The following PSPC1 variants were observed in gnomAD, a reference collection of about 807,000 sequenced individuals.
The protein encoded by PSPC1 is paraspeckle protein 1.
In PSPC1, 14 loss-of-function variants were observed where a neutral mutation model predicts 51.6. That is an observed-to-expected ratio of 0.27 (90% confidence interval 0.18 to 0.42). PSPC1 has a LOEUF of 0.42. Among genes scored for constraint, PSPC1 ranks in the 10% least tolerant of loss-of-function variants. The pLI is 1.00. For missense variants in PSPC1, 406 were observed against 701.1 expected, an observed-to-expected ratio of 0.58 and a Z score of 4.75; for synonymous variants, 193 against 231.9, an observed-to-expected ratio of 0.83 and a Z score of 1.53.
At chr13:19,752,651 T>C (rs772616723) in intron 3 of PSPC1, among the ~76,000 whole-genome samples, 1 of 151,996 alleles carries the variant, frequency 6.6e-6, no homozygotes, top group Non-Finnish European at 1.5e-5. Context: ...AATGGTATAA[T>C]CTCAGCTCAC....
intron 6 of PSPC1, among the ~76,000 whole-genome samples, chr13:19,716,661 A>G (rs1882128392): frequency 6.6e-6 from 1 of 152,064 alleles, no homozygotes. Flanking sequence ...CCACTAAAAA[A>G]TATATAATTC....
intron 1 of PSPC1, among the ~76,000 whole-genome samples, chr13:19,777,764 G>A (rs1159156586): frequency 2.0e-5 from 3 of 152,086 alleles, no homozygotes; most frequent in Non-Finnish European, 2.9e-5. Context: ...TGACCAGCAT[G>A]ATGAAACCCC....
chr13:19,719,944 G>A (rs1882567455), intron 6 of PSPC1, among the ~76,000 whole-genome samples: 1 of 152,118 alleles, frequency 6.6e-6, no homozygotes, highest in Non-Finnish European at 1.5e-5. Context: ...AGCCTCCCAA[G>A]TAGCTGGGAC....
chr13:19,716,498 C>CT (rs1315177124), intron 6 of PSPC1, among the ~76,000 whole-genome samples: 2 of 152,156 alleles, frequency 1.3e-5, no homozygotes, highest in Non-Finnish European at 2.9e-5. Context: ...AATCAATACT[C>CT]TTTTTTAGGT....
chr13:19,696,985 T>C (rs1879337269), intron 6 of PSPC1, among the ~76,000 whole-genome samples: 1 of 152,170 alleles, frequency 6.6e-6, no homozygotes, highest in Non-Finnish European at 1.5e-5. Flanking sequence ...TAGTCAGAAA[T>C]AATGGACTTT....
chr13:19,751,346 T>C lies in PSPC1; in HGVS notation c.892A>G (p.Arg298Gly), dbSNP rs1455415292. The C allele has an allele frequency of 1.3e-6, 2 of 1,591,528 alleles. No homozygotes were observed. Among genetic ancestry groups the C allele is most frequent in the Non-Finnish European group, 1.7e-6 (2 of 1,173,638 alleles). The change falls in exon 4 of 9, where the codon AGA (arginine) becomes GGA (glycine). Residue 298 changes from arginine to glycine, a missense_variant. Transcript: ENST00000338910. ...GCCTCCAGTTTCTCTTTGGCTTCTC[T>C]GATGTTTCTATCAACCTGCTCACGC... is the stretch of plus-strand genomic sequence containing the variant. ...QQREQVDRNI[R>G]EAKEKLEAEM... is the part of the protein sequence containing the mutation.
chr13:19,738,025 G>T (rs1272454297), intron 5 of PSPC1, among the ~76,000 whole-genome samples: 1 of 152,118 alleles, frequency 6.6e-6, no homozygotes, highest in Non-Finnish European at 1.5e-5. Flanking sequence ...AGGAGTTCGA[G>T]GTTACAGTCA....
At chr13:19,710,278 T>G (rs1881230658) in intron 6 of PSPC1, among the ~76,000 whole-genome samples, 1 of 152,206 alleles carries the variant, frequency 6.6e-6, no homozygotes, top group African/African-American at 2.4e-5. Context: ...AACAGAAATA[T>G]TCAGAACATT....
intron 2 of PSPC1, among the ~76,000 whole-genome samples, chr13:19,762,114 AC>A (rs1398932228): frequency 6.6e-6 from 1 of 152,220 alleles, no homozygotes; most frequent in Admixed American, 6.5e-5. Context: ...GGACCACTAG[AC>A]AACTCTTACA....
intron 6 of PSPC1, among the ~76,000 whole-genome samples, chr13:19,722,762 C>T (rs1882926587): frequency 6.6e-6 from 1 of 151,994 alleles, no homozygotes; most frequent in African/African-American, 2.4e-5. Context: ...CCACTGTACT[C>T]CAGCCTGGAT....
intron 5 of PSPC1, among the ~76,000 whole-genome samples, chr13:19,730,957 C>CAAAAAAAAAAAAAAAAAAAA (rs1483772556): frequency 5.4e-5 from 2 of 36,956 alleles, no homozygotes; most frequent in Non-Finnish European, 1.1e-4. Context: ...AAAAAAAAAA[C>CAAAAAAAAAAAAAAAAAAAA]AAAAAAACAA....
intron 4 of PSPC1, among the ~76,000 whole-genome samples, chr13:19,747,178 G>A (rs538387552): frequency 7.0e-4 from 106 of 152,268 alleles, no homozygotes; most frequent in Non-Finnish European, 1.2e-3. Flanking sequence ...TTGCAGCACT[G>A]CTTTTAAAAA....
At chr13:19,770,344 T>C (rs1222822446) in intron 2 of PSPC1, among the ~76,000 whole-genome samples, 3 of 152,230 alleles carry the variant, frequency 2.0e-5, no homozygotes, top group Non-Finnish European at 4.4e-5. Context: ...GTGTGTTACA[T>C]GAGTACATAT....
intron 6 of PSPC1, among the ~76,000 whole-genome samples, chr13:19,726,320 G>T (rs1026033143): frequency 6.6e-6 from 1 of 151,888 alleles, no homozygotes; most frequent in Admixed American, 6.6e-5. Flanking sequence ...TTGAATCTTC[G>T]CTACCAAAAA....
intron 5 of PSPC1, chr13:19,737,030 G>A (rs1388418961): frequency 5.3e-5 from 8 of 152,004 alleles, no homozygotes; most frequent in Non-Finnish European, 8.8e-5. Flanking sequence ...ATTCACAGGC[G>A]CTATCCCACT....
chr13:19,750,240 C>T (rs1886396571), intron 4 of PSPC1, among the ~76,000 whole-genome samples: 1 of 151,938 alleles, frequency 6.6e-6, no homozygotes, highest in Non-Finnish European at 1.5e-5. Flanking sequence ...GCTGTGGTAC[C>T]TTGATCTCTG....
intron 7 of PSPC1, among the ~76,000 whole-genome samples, chr13:19,677,068 A>C (rs1187331736): frequency 6.6e-6 from 1 of 152,072 alleles, no homozygotes; most frequent in East Asian, 1.9e-4. Context: ...CCCCGTCTCT[A>C]CTAAAAATAC....
At chr13:19,754,834 C>T (rs1023625845) in intron 3 of PSPC1, among the ~76,000 whole-genome samples, 1 of 152,186 alleles carries the variant, frequency 6.6e-6, no homozygotes, top group African/African-American at 2.4e-5. Context: ...ACTTCTAGTT[C>T]TCTAACTCCC....
chr13:19,771,824 T>C (rs1018289860), intron 2 of PSPC1, among the ~76,000 whole-genome samples: 2 of 151,994 alleles, frequency 1.3e-5, no homozygotes, highest in African/African-American at 4.8e-5. Flanking sequence ...TTTCATGCCA[T>C]GTTGGCCAGG....
Sources: allele counts gnomAD v4.1 joint callset (sites outside exome capture counted in the v4.1 genomes callset), GRCh38; gene constraint gnomAD v4.1.1; transcripts MANE v1.5; gene names NCBI Gene and HGNC (gene_info 2026-07-23, HGNC 2026-07-21).